TAB3: variants seen among roughly 807,000 people sequenced by gnomAD.
TAB3 encodes the protein TGF-beta activated kinase 1 (MAP3K7) binding protein 3, also known as TGF-beta-activated kinase 1 and MAP3K7-binding protein 3.
TAB3 carries 18 observed loss-of-function variants against 48.1 expected under a neutral mutation model. The observed-to-expected ratio is 0.37, with a 90% CI of 0.26 to 0.55. The LOEUF (loss-of-function observed/expected upper bound fraction) is 0.55, where lower values mean the gene tolerates loss of function less well. Among genes scored for constraint, TAB3 ranks in the 20% least tolerant of loss-of-function variants. The pLI, the probability that TAB3 is intolerant of heterozygous loss-of-function variation, is 0.78. For synonymous variants in TAB3, 185 were observed against 190.2 expected (o/e 0.97, Z 0.22); for missense variants, 414 against 549.8 (o/e 0.75, Z 2.47).
At chrX:30,832,564 A>G (rs1265392491) in intron 10 of TAB3, among the ~76,000 whole-genome samples, 1 of 112,373 alleles carries the variant, frequency 8.9e-6, no homozygotes, top group African/African-American at 3.2e-5. Flanking sequence ...ATTTTGGGCT[A>G]GGCATATCTT....
At position 30,829,586 on chromosome X, in the gene TAB3, A is replaced by G. The variant is rs984287227; in HGVS notation, c.*1841T>C. Reference sequence around the variant, plus strand: ...TAAGCCCATCTGCTTTCTCACCGTTATTTTCACAGTTTTGCCACAGTTGTT... The same window carrying G: ...TAAGCCCATCTGCTTTCTCACCGTTGTTTTCACAGTTTTGCCACAGTTGTT... On this transcript the variant is annotated 3_prime_UTR_variant, in exon 11 of 11. Transcript: ENST00000288422. 9.0e-6 allele frequency: 1 copy of G among 111,172 alleles called. No homozygotes were observed. The highest frequency in any genetic ancestry group is 3.3e-5 in the African/African-American group (1 of 30,480). 9.2% of individuals were successfully genotyped at this position (111,172 alleles called of 1,213,427 possible). A position where few individuals can be genotyped will look rare whatever the true frequency, so the allele number is the denominator to read the frequency against.
Position 30,854,718 on chromosome X carries a change from A to G in TAB3, c.947T>C (p.Leu316Ser). The stretch of plus-strand genomic sequence containing the variant: ...ACTAGGTGGCATAAAGATGTGGCCC[A>G]ACTGGGAAGGTTGCACTTGATGCTG... ...SPQHQVQPSQLGHIFMPPSPS... is the reference protein window; with the variant it reads ...SPQHQVQPSQSGHIFMPPSPS... The change falls in exon 6 of 11, where the codon TTG becomes TCG. Residue 316 changes from leucine (L) to serine (S), a missense_variant. Physicochemically the swap from Leu to Ser is moderately radical, Grantham distance 145. Transcript: ENST00000288422. 8.3e-7 allele frequency: 1 copy of G among 1,211,716 alleles called. No individual in the cohort carries two copies. The highest frequency in any genetic ancestry group is 1.1e-6 in the Non-Finnish European group (1 of 895,511).
chrX:30,884,148 CT>C (rs1047973161), intron 1 of TAB3, among the ~76,000 whole-genome samples: 1 of 111,635 alleles, frequency 9.0e-6, no homozygotes, highest in Admixed American at 9.5e-5. Flanking sequence ...CAAATAAACT[CT>C]GCATTAAAAA....
At chrX:30,851,695 G>T (rs747627779) in intron 7 of TAB3, among the ~76,000 whole-genome samples, 1 of 112,138 alleles carries the variant, frequency 8.9e-6, no homozygotes, top group South Asian at 3.7e-4. Context: ...CTGACTGCAA[G>T]AGGCCTGACA....
At chrX:30,880,888 C>A (rs1305059857) in intron 1 of TAB3, among the ~76,000 whole-genome samples, 1 of 111,211 alleles carries the variant, frequency 9.0e-6, no homozygotes, top group Admixed American at 9.6e-5. Flanking sequence ...TCTCCCATTC[C>A]TTATCCAATC....
chrX:30,833,928 G>A, intron 10 of TAB3, 123 bp downstream of exon 10: 1 of 570,601 alleles, frequency 1.8e-6, no homozygotes, highest in Non-Finnish European at 2.8e-6. Context: ...GGACAGCACA[G>A]CCTTAGAAAC....
intron 9 of TAB3, among the ~76,000 whole-genome samples, chrX:30,842,659 A>AT (rs202189770): frequency 3.4e-5 from 2 of 58,971 alleles, no homozygotes; most frequent in East Asian, 9.1e-4. Context: ...TCTACAAAAA[A>AT]TAAAAAAAAA....
intron 4 of TAB3, 130 bp from the exon 5 acceptor site, chrX:30,859,808 C>G: frequency 2.5e-6 from 1 of 394,479 alleles, no homozygotes; most frequent in Non-Finnish European, 4.3e-6. Flanking sequence ...CCTTCTTAGT[C>G]CTGCTGCCTT....
At chrX:30,848,696 G>C (rs1938719927) in intron 7 of TAB3, among the ~76,000 whole-genome samples, 1 of 112,198 alleles carries the variant, frequency 8.9e-6, no homozygotes, top group African/African-American at 3.2e-5. Context: ...GTCAAAAGTA[G>C]TTTTCGTGCA....
chrX:30,863,396 A>G (rs1939308086), intron 4 of TAB3, among the ~76,000 whole-genome samples: 1 of 112,306 alleles, frequency 8.9e-6, no homozygotes, highest in Non-Finnish European at 1.9e-5. Context: ...AATTAAGTCA[A>G]TGATACAGTT....
chrX:30,834,000 A>C, intron 10 of TAB3, 51 bp downstream of exon 10: 1 of 1,069,399 alleles, frequency 9.4e-7, no homozygotes. Context: ...TACATGGATT[A>C]ACATGTGTCT....
At chrX:30,885,334 A>G (rs1940101167) in intron 1 of TAB3, among the ~76,000 whole-genome samples, 1 of 112,483 alleles carries the variant, frequency 8.9e-6, no homozygotes, top group African/African-American at 3.2e-5. Flanking sequence ...AGGTTACAGA[A>G]GTATAACAAA....
At chrX:30,865,530 C>G (rs768292349) in intron 4 of TAB3, among the ~76,000 whole-genome samples, 1 of 111,950 alleles carries the variant, frequency 8.9e-6, no homozygotes, top group East Asian at 2.8e-4. Flanking sequence ...ATCTGAGTAT[C>G]AAGTACTGTG....
intron 1 of TAB3, among the ~76,000 whole-genome samples, chrX:30,885,715 C>G (rs893166054): frequency 2.7e-5 from 3 of 111,826 alleles, no homozygotes; most frequent in Non-Finnish European, 5.6e-5. Context: ...AACTTTCCTC[C>G]TTGGTGTTTA....
chrX:30,866,870 TAAAAA>T (rs77868699), intron 4 of TAB3, among the ~76,000 whole-genome samples: 26 of 74,715 alleles, frequency 3.5e-4, no homozygotes, highest in Middle Eastern at 7.2e-3. Flanking sequence ...AAGGGGTGTT[TAAAAA>T]AAAAAAAAAA....
chrX:30,886,335 A>AT (rs11286233), intron 1 of TAB3, among the ~76,000 whole-genome samples: 5,734 of 105,511 alleles, frequency 0.054, 283 homozygotes, highest in African/African-American at 0.15. Context: ...TCATTTGTTG[A>AT]TTTTTTTTTT....
chrX:30,882,153 T>G (rs769326704), intron 1 of TAB3, among the ~76,000 whole-genome samples: 1 of 111,623 alleles, frequency 9.0e-6, no homozygotes, highest in African/African-American at 3.3e-5. Flanking sequence ...ACATATGGTA[T>G]CCCTGAAAAA....
At position 30,834,032 on chromosome X, in the gene TAB3, T is replaced by C. The variant is rs1938112081; in HGVS notation, c.1990+19A>G. The C allele has an allele frequency of 7.6e-6, 9 of 1,191,073 alleles. No individual in the cohort carries two copies. The highest frequency in any genetic ancestry group is 1.8e-5 in the South Asian group (1 of 56,254). ...GTCTTTGGACATTCTGCACAAACTCTGGACACACAAGTACAAACCATCTGC... is the reference window on the plus strand; with the variant it reads ...GTCTTTGGACATTCTGCACAAACTCCGGACACACAAGTACAAACCATCTGC... On this transcript the variant is annotated intron_variant, in intron 10 of 10. Coordinates refer to ENST00000288422, the MANE Select transcript of TAB3 (RefSeq NM_152787.5).
At position 30,849,189 on chromosome X, in the gene TAB3, C is replaced by T. The variant is rs747342121; in HGVS notation, c.1711-2545G>A. Among the ~76,000 whole-genome samples, 4 of 112,412 alleles carry T rather than the reference C, an allele frequency of 3.6e-5. No homozygotes were observed. The East Asian group carries it at 1.1e-3, about 31-fold the overall frequency. On this transcript the variant is annotated intron_variant, in intron 7 of 10. Coordinates refer to ENST00000288422, the MANE Select transcript of TAB3 (RefSeq NM_152787.5). ...TATAGACTCACAGATATACCTATCT[C>T]ATTTCACATACAGATCTAAGAGATG...
Sources: allele counts gnomAD v4.1 joint callset (sites outside exome capture counted in the v4.1 genomes callset), GRCh38; gene constraint gnomAD v4.1.1; transcripts MANE v1.5; gene names NCBI Gene and HGNC (gene_info 2026-07-23, HGNC 2026-07-21).